Variants in PHLPP2 observed in about 807,000 individuals in gnomAD.
PHLPP2 encodes the protein PH domain and leucine rich repeat protein phosphatase 2.
Under a neutral mutation model 124.9 loss-of-function variants are expected in PHLPP2, and 66 were observed. The ratio of observed to expected loss-of-function variants is 0.53; its 90% CI spans 0.43 to 0.65. PHLPP2 has a LOEUF of 0.65. Ranked by LOEUF, PHLPP2 falls within the 30% of genes least tolerant of loss-of-function variation. PHLPP2 has a pLI of 0.00. For synonymous variants in PHLPP2, 681 were observed against 624.7 expected, an observed-to-expected ratio of 1.09 and a Z score of -1.34; for missense variants, 1,685 against 1,600.4, an observed-to-expected ratio of 1.05 and a Z score of -0.90.
rs1282951354 is a variant in PHLPP2, at chr16:71,696,107, C to T, written c.419-5398G>A. Among the ~76,000 whole-genome samples, 13 of 152,004 alleles carry T rather than the reference C, an allele frequency of 8.6e-5. 1 individual carries two copies. The highest frequency in any genetic ancestry group is 1.9e-4 in the Non-Finnish European group (13 of 67,974). ...CATATAAAATAAGACTAAGAAAATA[C>T]ACAATCATAAAAATAATTGTATTAG... On this transcript the variant is annotated intron_variant, in intron 3 of 18. Transcript: ENST00000568954.
At chr16:71,714,878 C>G in intron 1 of PHLPP2, 77 bp from the exon 2 acceptor site, 1 of 1,510,238 alleles carries the variant, frequency 6.6e-7, no homozygotes, top group South Asian at 1.3e-5. Context: ...CACCCCACCT[C>G]TCTCTACTTT....
rs1179805896 is a variant in PHLPP2 at position 71,678,606 on chromosome 16, T to C, written c.1268+149A>G. On this transcript the variant is annotated intron_variant, in intron 8 of 18. Coordinates refer to ENST00000568954, the MANE Select transcript of PHLPP2 (RefSeq NM_015020.3). ...AGTGGGCCGAGATCGTGCCACTGTA[T>C]GCCAGCTTGGGTGACAAAGTGAGAC... The C allele has an allele frequency of 6.5e-6, 4 of 610,812 alleles. No homozygotes were observed. The East Asian group carries it at 8.3e-5, about 13-fold the overall frequency. 37.8% of individuals were successfully genotyped at this position (610,812 alleles called of 1,614,324 possible).
Position 71,714,485 on chromosome 16 carries a change from ATTAGAGTGGTAAAAC to A in PHLPP2, c.284+12_284+26del, listed in dbSNP as rs541482628. 1,353 of 1,564,148 alleles carry A rather than the reference ATTAGAGTGGTAAAAC, an allele frequency of 8.7e-4. 7 individuals carry two copies. Among genetic ancestry groups the A allele is most frequent in the South Asian group, 2.4e-3 (195 of 82,096 alleles). ...ACATTATTATTTATATTACGGTAGA[ATTAGAGTGGTAAAAC>A]TGAGACCTCACCTGACCAGGTCTCC... On this transcript the variant is annotated intron_variant, in intron 2 of 18. Transcript: ENST00000568954.
intron 15 of PHLPP2, 70 bp from the exon 16 acceptor site, chr16:71,656,751 ATTCT>A (rs2044745380): frequency 8.8e-6 from 8 of 914,136 alleles, no homozygotes; most frequent in Non-Finnish European, 1.2e-5. Context: ...CAACAATAGT[ATTCT>A]TTTTTTTTTT....
chr16:71,653,099 C>CTTTT (rs11298836), intron 17 of PHLPP2, 78 bp from the exon 18 acceptor site: 6 of 547,752 alleles, frequency 1.1e-5, no homozygotes, highest in South Asian at 2.2e-5. Flanking sequence ...TACATCCCTT[C>CTTTT]TTTTTTTTTT....
intron 1 of PHLPP2, chr16:71,723,703 G>A (rs1189687856): frequency 5.3e-6 from 4 of 758,342 alleles, no homozygotes; most frequent in Non-Finnish European, 5.7e-6. Context: ...AGCCTCCCTC[G>A]TTCCCTCCCT....
At chr16:71,704,817 C>T (rs2045261891) in intron 2 of PHLPP2, among the ~76,000 whole-genome samples, 1 of 152,150 alleles carries the variant, frequency 6.6e-6, no homozygotes, top group Admixed American at 6.5e-5. Flanking sequence ...TGGTGGGATT[C>T]TTCTGAGAGA....
At chr16:71,707,593 A>G (rs1270180425) in intron 2 of PHLPP2, among the ~76,000 whole-genome samples, 1 of 152,126 alleles carries the variant, frequency 6.6e-6, no homozygotes, top group Non-Finnish European at 1.5e-5. Flanking sequence ...ATTCCCCAAT[A>G]AAAACATTGT....
chr16:71,709,972 A>C (rs1283751485), intron 2 of PHLPP2, among the ~76,000 whole-genome samples: 1 of 152,020 alleles, frequency 6.6e-6, no homozygotes, highest in East Asian at 1.9e-4. Flanking sequence ...AAGTGCGCGC[A>C]CTGGAACCAC....
At chr16:71,723,749 TG>T in intron 1 of PHLPP2, 1 of 1,216,988 alleles carries the variant, frequency 8.2e-7, no homozygotes, top group Non-Finnish European at 1.1e-6. Flanking sequence ...GCTCGCTCGC[TG>T]GTCCATCCGC....
At chr16:71,711,858 C>T (rs1277762988) in intron 2 of PHLPP2, among the ~76,000 whole-genome samples, 1 of 152,190 alleles carries the variant, frequency 6.6e-6, no homozygotes, top group Non-Finnish European at 1.5e-5. Flanking sequence ...AAACAAGTAA[C>T]AGCTGAGTAA....
intron 2 of PHLPP2, among the ~76,000 whole-genome samples, chr16:71,709,836 T>C (rs1036050999): frequency 1.3e-5 from 2 of 152,140 alleles, no homozygotes; most frequent in African/African-American, 4.8e-5. Context: ...CACACATTTT[T>C]CTTTTTCTTT....
At chr16:71,713,018 C>T (rs17356316) in intron 2 of PHLPP2, among the ~76,000 whole-genome samples, 13,841 of 152,218 alleles carry the variant, frequency 0.091, 901 homozygotes, top group Middle Eastern at 0.19. Flanking sequence ...TCAAAGAGTT[C>T]ACATGCATAG....
At chr16:71,703,755 C>T (rs941934730) in intron 2 of PHLPP2, among the ~76,000 whole-genome samples, 1 of 152,052 alleles carries the variant, frequency 6.6e-6, no homozygotes, top group Admixed American at 6.6e-5. Context: ...GCAACAATAC[C>T]TAACTCATAA....
chr16:71,696,931 T>C (rs960359365), intron 3 of PHLPP2, among the ~76,000 whole-genome samples: 2 of 151,900 alleles, frequency 1.3e-5, no homozygotes, highest in Non-Finnish European at 2.9e-5. Flanking sequence ...CCCAGCACAT[T>C]TGGGAGGCCG....
Position 71,649,983 on chromosome 16 carries a change from G to A in PHLPP2, c.2879C>T (p.Pro960Leu). 3.1e-6 allele frequency: 5 copies of A among 1,613,678 alleles called. No individual in the cohort carries two copies. In the South Asian group the frequency reaches 5.5e-5, roughly 18 times the overall value. The part of the protein sequence containing the change: ...TRMLGCTYLY[P>L]WILPKPHISS... The stretch of plus-strand genomic sequence containing the variant: ...TATGTGGGGCTTGGGGAGGATCCAA[G>A]GGTAGAGGTATGTACAGCCCAGCAT... The change falls in exon 19 of 19, where the codon CCT (proline) becomes CTT (leucine). Residue 960 changes from proline (P) to leucine (L), a missense_variant. Transcript: ENST00000568954.
intron 13 of PHLPP2, among the ~76,000 whole-genome samples, chr16:71,663,058 G>A (rs1458041232): frequency 2.0e-5 from 3 of 151,996 alleles, no homozygotes; most frequent in East Asian, 1.9e-4. Flanking sequence ...CAGTGTGACC[G>A]GCAATGTATG....
chr16:71,676,711 A>G, intron 8 of PHLPP2, 62 bp from the exon 9 acceptor site: 1 of 1,239,728 alleles, frequency 8.1e-7, no homozygotes, highest in South Asian at 1.2e-5. Flanking sequence ...GCTTACCAGA[A>G]TAAAAATAAA....
chr16:71,664,041 C>T lies in PHLPP2; in HGVS notation c.1843G>A (p.Gly615Arg). 1.2e-6 allele frequency: 2 copies of T among 1,613,974 alleles called. No individual in the cohort carries two copies. Among genetic ancestry groups the T allele is most frequent in the Non-Finnish European group, 1.7e-6 (2 of 1,179,842 alleles). The change falls in exon 13 of 19, where the codon GGA (glycine) becomes AGA (arginine). Residue 615 changes from glycine to arginine, a missense_variant. By Grantham distance (125) the Gly-to-Arg change is moderately radical. Coordinates refer to ENST00000568954, the MANE Select transcript of PHLPP2 (RefSeq NM_015020.3). ...SLESLPSACT[G>R]EESLSMLQLL... ...TGCAGCATACTCAAACTCTCCTCTC[C>T]AGTGCAGGCGGATGGTAAAGACTCC...
Sources: gnomAD v4.1 joint callset for allele counts (sites outside exome capture counted in the v4.1 genomes callset) on GRCh38, gnomAD v4.1.1 for gene constraint, MANE v1.5 for transcripts, NCBI Gene and HGNC (gene_info 2026-07-23, HGNC 2026-07-21) for gene names.